Variants in GTF2IRD2B observed in about 807,000 individuals in gnomAD.
The protein encoded by GTF2IRD2B is general transcription factor II-I repeat domain-containing protein 2B.
In GTF2IRD2B, 10 loss-of-function variants were observed where a neutral mutation model predicts 55.6. That is an observed-to-expected ratio of 0.18 (90% CI 0.11 to 0.31). The LOEUF is 0.31. Ranked by LOEUF, GTF2IRD2B falls within the 10% of genes least tolerant of loss-of-function variation. GTF2IRD2B has a pLI of 1.00. For synonymous variants in GTF2IRD2B, 107 were observed against 320.5 expected, an observed-to-expected ratio of 0.33 and a Z score of 7.12; for missense variants, 206 against 802.7, an observed-to-expected ratio of 0.26 and a Z score of 8.98.
chr7:75,105,337 C>T (rs1336100190), intron 1 of GTF2IRD2B, among the ~76,000 whole-genome samples: 2 of 152,192 alleles, frequency 1.3e-5, no homozygotes, highest in African/African-American at 4.8e-5. Context: ...AACCCCGTCT[C>T]CACCAAAAAT....
chr7:75,105,445 A>G (rs1218764965), intron 1 of GTF2IRD2B, among the ~76,000 whole-genome samples: 1 of 152,284 alleles, frequency 6.6e-6, no homozygotes, highest in Non-Finnish European at 1.5e-5. Flanking sequence ...CAGAGTTTGC[A>G]ATGAGCTGAG....
intron 3 of GTF2IRD2B, among the ~76,000 whole-genome samples, chr7:75,114,218 A>G (rs1298756714): frequency 2.6e-5 from 4 of 151,442 alleles, no homozygotes; most frequent in Non-Finnish European, 5.9e-5. Context: ...AAATGAAGCC[A>G]TCTTTAAATA....
chr7:75,105,126 G>A (rs1312934388), intron 1 of GTF2IRD2B, among the ~76,000 whole-genome samples: 1 of 152,296 alleles, frequency 6.6e-6, no homozygotes, highest in Non-Finnish European at 1.5e-5. Flanking sequence ...AGCCCAGAAG[G>A]TCGAGGCTAC....
rs1809227621 is a variant in GTF2IRD2B at position 75,148,543 on chromosome 7, AC to A, written c.2097del (p.Asp699GlufsTer22). ...SEFTTLLYEL[D>X]SQYGSLLYYT... is the part of the protein sequence containing the mutation. Reference sequence around the variant, plus strand: ...TTCACAACCTTGCTCTATGAGCTGGACAGCCAGTATGGTAGCCTCCTGTACT... The same window carrying A: ...TTCACAACCTTGCTCTATGAGCTGGAAGCCAGTATGGTAGCCTCCTGTACT... On this transcript the variant is annotated frameshift_variant, in exon 16 of 16. Coordinates refer to ENST00000472837, the MANE Select transcript of GTF2IRD2B (RefSeq NM_001003795.3). LOFTEE classifies it high-confidence loss of function. 6.3e-7 allele frequency: 1 copy of A among 1,583,884 alleles called. No homozygotes were observed. Among genetic ancestry groups the A allele is most frequent in the African/African-American group, 1.3e-5 (1 of 74,208 alleles).
At chr7:75,102,538 C>G (rs1807609877) in intron 1 of GTF2IRD2B, among the ~76,000 whole-genome samples, 1 of 151,386 alleles carries the variant, frequency 6.6e-6, no homozygotes, top group African/African-American at 2.4e-5. Context: ...TAGTGGCTCG[C>G]AGCTGTAATC....
intron 8 of GTF2IRD2B, among the ~76,000 whole-genome samples, chr7:75,130,183 C>T (rs1264614996): frequency 3.2e-4 from 21 of 64,998 alleles, no homozygotes; most frequent in African/African-American, 1.0e-3. Context: ...CTTTCTTTCT[C>T]TCCTTCCTTC....
intron 1 of GTF2IRD2B, among the ~76,000 whole-genome samples, chr7:75,093,077 TC>T (rs587650957): frequency 1.1e-3 from 169 of 152,360 alleles, no homozygotes; most frequent in African/African-American, 3.0e-3. Flanking sequence ...GCTCCGCCCG[TC>T]GTACGTGGGG....
chr7:75,119,220 A>AAAAAAAAAAAAAAG (rs1808282313), intron 3 of GTF2IRD2B, among the ~76,000 whole-genome samples: 1 of 129,672 alleles, frequency 7.7e-6, no homozygotes, highest in Non-Finnish European at 1.7e-5. Flanking sequence ...AAAAAAAAAA[A>AAAAAAAAAAAAAAG]AAAAAAAAAA....
chr7:75,132,374 T>A (rs1171002171), intron 8 of GTF2IRD2B, among the ~76,000 whole-genome samples: 9 of 100,536 alleles, frequency 9.0e-5, no homozygotes, highest in African/African-American at 1.8e-4. Context: ...AAAAAAAAAA[T>A]GGTTATATAT....
chr7:75,123,081 A>C (rs1308941425), intron 4 of GTF2IRD2B, 55 bp from the exon 5 acceptor site: 47 of 1,565,520 alleles, frequency 3.0e-5, no homozygotes, highest in Non-Finnish European at 3.9e-5. Context: ...CAAAAAAAAA[A>C]AACTGGTAGA....
Position 75,149,571 on chromosome 7 carries a change from T to A in GTF2IRD2B, c.*274T>A. On this transcript the variant is annotated 3_prime_UTR_variant, in exon 16 of 16. Transcript: ENST00000472837. ...AATTTTTGTATTAGTAGAGATGAGG[T>A]TTCACCATGTTGGCCAGGCTGGTCT... 1 of 396,994 alleles carries A rather than the reference T, an allele frequency of 2.5e-6. No individual in the cohort carries two copies. Among genetic ancestry groups the A allele is most frequent in the Non-Finnish European group, 4.8e-6 (1 of 208,686 alleles). 24.6% of individuals were successfully genotyped at this position (396,994 alleles called of 1,614,324 possible).
chr7:75,123,736 G>C, intron 6 of GTF2IRD2B: 1 of 649,218 alleles, frequency 1.5e-6, no homozygotes, highest in Non-Finnish European at 2.7e-6. Flanking sequence ...AAATTAGCCG[G>C]GCGTGGTGGC....
intron 8 of GTF2IRD2B, among the ~76,000 whole-genome samples, chr7:75,132,577 A>G (rs1470635629): frequency 1.5e-4 from 10 of 66,018 alleles, no homozygotes; most frequent in African/African-American, 6.4e-4. Context: ...TTTTTTTGAG[A>G]TGGAGTCTCG....
At chr7:75,105,869 C>T (rs1483095715) in intron 1 of GTF2IRD2B, among the ~76,000 whole-genome samples, 268 of 152,348 alleles carry the variant, frequency 1.8e-3, no homozygotes, top group Non-Finnish European at 3.3e-3. Context: ...GTCTGTTTCA[C>T]GTTGTCTGCG....
At chr7:75,134,364 G>C (rs1192802409) in intron 9 of GTF2IRD2B, among the ~76,000 whole-genome samples, 1 of 142,854 alleles carries the variant, frequency 7.0e-6, no homozygotes, top group Admixed American at 6.7e-5. Context: ...CTCCAGCCTG[G>C]GTGCTGGAGT....
chr7:75,135,599 CTG>C (rs1554453451), intron 10 of GTF2IRD2B, among the ~76,000 whole-genome samples: 1 of 102,812 alleles, frequency 9.7e-6, no homozygotes. Context: ...TGCTTCTGAT[CTG>C]TGAGTGATTC....
chr7:75,111,912 C>G (rs76684488), intron 2 of GTF2IRD2B, among the ~76,000 whole-genome samples: 110 of 1,034 alleles, frequency 0.11, 7 homozygotes, highest in East Asian at 0.33. Flanking sequence ...TGATAAATTT[C>G]TTTTGATTTC....
intron 6 of GTF2IRD2B, chr7:75,123,920 T>A (rs1808468848): frequency 6.0e-6 from 2 of 332,422 alleles, no homozygotes; most frequent in Admixed American, 8.2e-5. Context: ...GGGAGGGAAC[T>A]TAGAGGACGG....
intron 3 of GTF2IRD2B, among the ~76,000 whole-genome samples, chr7:75,113,863 A>AGTGTGT (rs782323728): frequency 7.4e-6 from 1 of 134,850 alleles, no homozygotes; most frequent in Non-Finnish European, 1.6e-5. Context: ...GGGTATATAA[A>AGTGTGT]GTGTGTGTGT....
Sources: allele counts gnomAD v4.1 joint callset (sites outside exome capture counted in the v4.1 genomes callset), GRCh38; gene constraint gnomAD v4.1.1; transcripts MANE v1.5; gene names NCBI Gene and HGNC (gene_info 2026-07-23, HGNC 2026-07-21).